The following GAK variants were observed in gnomAD, a reference collection of about 807,000 sequenced individuals.
GAK encodes the protein cyclin G associated kinase, also known as cyclin-G-associated kinase.
Under a neutral mutation model 143.9 loss-of-function variants are expected in GAK, and 79 were observed. The ratio of observed to expected loss-of-function variants is 0.55; its 90% CI spans 0.46 to 0.66. The LOEUF is 0.66. Ranked by LOEUF, GAK falls within the 30% of genes least tolerant of loss-of-function variation. The pLI, the probability that GAK is intolerant of heterozygous loss-of-function variation, is 0.00. For missense variants in GAK, 1,693 were observed against 1,779.7 expected, an observed-to-expected ratio of 0.95 and a Z score of 0.88; for synonymous variants, 881 against 765.5, an observed-to-expected ratio of 1.15 and a Z score of -2.49.
chr4:877,207 C>G lies in GAK; in HGVS notation c.1857G>C (p.Arg619=). ...ASTSQEYDKM[R]DFKIEDGKAV... ...CTTTGCCATCTTCAATCTTAAAGTCCCTAAGGACAGAATGACAAGAGAAAA... is the reference window on the plus strand; with the variant it reads ...CTTTGCCATCTTCAATCTTAAAGTCGCTAAGGACAGAATGACAAGAGAAAA... The change falls in exon 17 of 28, where the codon CGG becomes CGC. Residue 619 remains arginine, a splice_region_variant and synonymous_variant. Coordinates refer to ENST00000314167, the MANE Select transcript of GAK (RefSeq NM_005255.4). The G allele has an allele frequency of 1.2e-6, 2 of 1,605,110 alleles. No homozygotes were observed. Among genetic ancestry groups the G allele is most frequent in the Non-Finnish European group, 1.7e-6 (2 of 1,171,926 alleles).
chr4:927,892 G>A (rs1725093751), intron 1 of GAK, among the ~76,000 whole-genome samples: 1 of 152,218 alleles, frequency 6.6e-6, no homozygotes, highest in South Asian at 2.1e-4. Context: ...AAGAAGCAAG[G>A]ATGACAGAAC....
At chr4:891,241 G>A (rs945747364) in intron 9 of GAK, among the ~76,000 whole-genome samples, 3 of 151,418 alleles carry the variant, frequency 2.0e-5, no homozygotes, top group African/African-American at 7.3e-5. Context: ...GATTACAGGC[G>A]TGAGCCACTG....
At chr4:866,671 C>CTGAGGCAG in intron 21 of GAK, 137 bp from the exon 22 acceptor site, 1 of 935,844 alleles carries the variant, frequency 1.1e-6, no homozygotes, top group Non-Finnish European at 1.6e-6. Flanking sequence ...CGCAGGGGCA[C>CTGAGGCAG]TGAGGCAGTC....
intron 26 of GAK, 124 bp downstream of exon 26, chr4:850,812 A>C: frequency 9.2e-7 from 1 of 1,081,742 alleles, no homozygotes; most frequent in South Asian, 1.7e-5. Context: ...CATGTGGTAC[A>C]GCAGATGCTC....
intron 19 of GAK, 28 bp from the exon 20 acceptor site, chr4:868,713 C>T (rs1481552487): frequency 1.4e-5 from 22 of 1,543,042 alleles, no homozygotes; most frequent in Non-Finnish European, 1.9e-5. Flanking sequence ...CGTCAGGGCA[C>T]TGGCACTGGC....
chr4:868,481 C>A, intron 20 of GAK, 58 bp downstream of exon 20: 1 of 1,567,974 alleles, frequency 6.4e-7, no homozygotes. Flanking sequence ...GCCCCAGGGG[C>A]ACCTCCAGAC....
chr4:908,160 C>CA (rs1225644547), intron 4 of GAK, among the ~76,000 whole-genome samples: 4 of 152,188 alleles, frequency 2.6e-5, no homozygotes, highest in African/African-American at 9.7e-5. Flanking sequence ...AGATAATCAG[C>CA]AAAACATCCA....
chr4:867,384 C>A lies in GAK; in HGVS notation c.2444G>T (p.Ser815Ile), dbSNP rs1201972642. Residue 815 changes from serine (S) to isoleucine (I), a missense_variant, in exon 21 of 28, where the codon AGC (serine) becomes ATC (isoleucine). Ser to Ile is a moderately radical substitution (Grantham distance 142). Transcript: ENST00000314167. ...TCTGTCCTCCATCAGGGCAGACTCG[C>A]TCTCCTTGGAAGAGGCATTTTCTGC... ...TGAENASSKESESALMEDRDE... is the reference protein window; with the variant it reads ...TGAENASSKEIESALMEDRDE... The A allele has an allele frequency of 6.4e-7, 1 of 1,571,066 alleles. No homozygotes were observed. Among genetic ancestry groups the A allele is most frequent in the African/African-American group, 1.4e-5 (1 of 73,980 alleles).
At position 892,259 on chromosome 4, in the gene GAK, C is replaced by A. The variant is rs543301833; in HGVS notation, c.990+1118G>T. Among the ~76,000 whole-genome samples the A allele has an allele frequency of 4.6e-5, 7 of 152,290 alleles. No homozygotes were observed. In the East Asian group the frequency reaches 9.7e-4, roughly 21 times the overall value. On this transcript the variant is annotated intron_variant, in intron 9 of 27. Coordinates refer to ENST00000314167, the MANE Select transcript of GAK (RefSeq NM_005255.4). ...CCAGCTACCAGGGAGTGGAAACGACCCAAGGGCTGAAAAGGGGACAAAATG... is the reference window on the plus strand; with the variant it reads ...CCAGCTACCAGGGAGTGGAAACGACACAAGGGCTGAAAAGGGGACAAAATG...
At chr4:885,013 C>T (rs749475803) in intron 11 of GAK, among the ~76,000 whole-genome samples, 7 of 151,788 alleles carry the variant, frequency 4.6e-5, no homozygotes, top group Non-Finnish European at 5.9e-5. Flanking sequence ...ACATAGGATG[C>T]GGGTCTTCCG....
chr4:851,155 T>C lies in GAK; in HGVS notation c.3509-71A>G. ...CTCTGTCACCCAGGCCAGAGTGCAA[T>C]GGCGTGATCTCAGCTCTCTGCAGCC... On this transcript the variant is annotated intron_variant, in intron 25 of 27. Coordinates refer to ENST00000314167, the MANE Select transcript of GAK (RefSeq NM_005255.4). 4 of 1,352,714 alleles carry C rather than the reference T, an allele frequency of 3.0e-6. No individual in the cohort carries two copies. In the South Asian group the frequency reaches 3.7e-5, roughly 13 times the overall value. 83.8% of individuals were successfully genotyped at this position (1,352,714 alleles called of 1,614,324 possible).
chr4:925,736 C>A (rs867097048), intron 1 of GAK, among the ~76,000 whole-genome samples: 3 of 152,190 alleles, frequency 2.0e-5, no homozygotes, highest in Admixed American at 1.3e-4. Flanking sequence ...GAGGACACAG[C>A]GAGAAGGTGC....
chr4:893,734 C>G (rs1002012321), intron 8 of GAK, 140 bp downstream of exon 8: 94 of 1,066,988 alleles, frequency 8.8e-5, no homozygotes, highest in South Asian at 3.7e-4. Context: ...AACCCCCCCC[C>G]CAGGGATGTT....
At chr4:856,921 T>C (rs1190540035) in intron 24 of GAK, among the ~76,000 whole-genome samples, 3 of 152,222 alleles carry the variant, frequency 2.0e-5, no homozygotes, top group Non-Finnish European at 1.5e-5. Context: ...GACGACGTTC[T>C]GCTCATGACT....
chr4:849,916 C>T lies in GAK; in HGVS notation c.3810G>A (p.Ala1270=), dbSNP rs774544150. 12 of 1,609,486 alleles carry T rather than the reference C, an allele frequency of 7.5e-6. No individual in the cohort carries two copies. The highest frequency in any genetic ancestry group is 1.6e-4 in the Middle Eastern group (1 of 6,076). The part of the protein sequence containing the change: ...PEQVKKHYRR[A]VLAVHPDKAA... ...CCTTGTCGGGGTGCACAGCCAGCAC[C>T]GCGCGGCGATAGTGCTTCTTCACTT... The change falls in exon 27 of 28, where the codon GCG becomes GCA. Residue 1270 remains alanine (A), a synonymous_variant. Transcript: ENST00000314167.
intron 18 of GAK, among the ~76,000 whole-genome samples, chr4:874,203 C>T (rs907219738): frequency 2.0e-5 from 3 of 152,078 alleles, no homozygotes; most frequent in African/African-American, 7.2e-5. Flanking sequence ...TGTGTGCGCA[C>T]GCGCTGGTGC....
chr4:860,914 G>A (rs544976336), intron 23 of GAK, among the ~76,000 whole-genome samples: 4 of 152,332 alleles, frequency 2.6e-5, no homozygotes, highest in Non-Finnish European at 4.4e-5. Flanking sequence ...ACCATTTTCC[G>A]CACGCCATGT....
At chr4:865,906 C>G (rs184525379) in intron 22 of GAK, among the ~76,000 whole-genome samples, 2 of 152,254 alleles carry the variant, frequency 1.3e-5, no homozygotes, top group Non-Finnish European at 2.9e-5. Flanking sequence ...TGCTGTGCCC[C>G]GGCGCCTGAC....
At chr4:876,661 G>C in intron 17 of GAK, 52 bp from the exon 18 acceptor site, 1 of 1,535,644 alleles carries the variant, frequency 6.5e-7, no homozygotes, top group Non-Finnish European at 9.0e-7. Context: ...TCCAGATCCT[G>C]GGGCCACAGG....
Sources: allele counts gnomAD v4.1 joint callset (sites outside exome capture counted in the v4.1 genomes callset), GRCh38; gene constraint gnomAD v4.1.1; transcripts MANE v1.5; gene names NCBI Gene and HGNC (gene_info 2026-07-23, HGNC 2026-07-21).